Variants in MOCOS observed in about 807,000 individuals in gnomAD.
MOCOS encodes the protein molybdenum cofactor sulfurase, also known as human molybdenum cofactor sulfurase.
A neutral mutation model predicts 83.6 loss-of-function variants in MOCOS; 86 were observed. That is an observed-to-expected ratio of 1.03 (90% CI 0.86 to 1.23). MOCOS has a LOEUF of 1.23. Ranked by LOEUF, MOCOS falls within the 50% of genes most tolerant of loss-of-function variation. MOCOS has a pLI of 0.00. For missense variants in MOCOS, 1,120 were observed against 1,126.9 expected, an observed-to-expected ratio of 0.99 and a Z score of 0.09; for synonymous variants, 445 against 434.7, an observed-to-expected ratio of 1.02 and a Z score of -0.29.
At chr18:36,257,379 C>G (rs1395414206) in intron 12 of MOCOS, among the ~76,000 whole-genome samples, 2 of 152,164 alleles carry the variant, frequency 1.3e-5, no homozygotes, top group Non-Finnish European at 2.9e-5. Flanking sequence ...AATTGAATTG[C>G]CACCAACTTG....
intron 9 of MOCOS, among the ~76,000 whole-genome samples, chr18:36,227,873 A>G (rs1455918895): frequency 6.6e-5 from 10 of 152,252 alleles, no homozygotes. Context: ...TGCACAGCAA[A>G]AGGAATGATC....
At position 36,268,559 on chromosome 18, in the gene MOCOS, T is replaced by A; in HGVS notation, c.2541T>A (p.His847Gln). ...TKVNFGMYLM[H>Q]ASLDLSSPCF... ...TGAACTTTGGCATGTACCTGATGCATGCATCATTGGATTTATCCTCCCCAT... is the reference window on the plus strand; with the variant it reads ...TGAACTTTGGCATGTACCTGATGCAAGCATCATTGGATTTATCCTCCCCAT... The change falls in exon 15 of 15, where the codon CAT becomes CAA. Residue 847 changes from histidine (H) to glutamine (Q), a missense_variant. Transcript: ENST00000261326. 1 of 1,614,208 alleles carries A rather than the reference T, an allele frequency of 6.2e-7. No homozygotes were observed. Among genetic ancestry groups the A allele is most frequent in the Non-Finnish European group, 8.5e-7 (1 of 1,180,038 alleles).
rs756351100 is a variant in MOCOS, at chr18:36,199,890, C to T, written c.507C>T (p.Ser169=). Residue 169 remains serine, a synonymous_variant, in exon 4 of 15, where the codon TCC becomes TCT. Transcript: ENST00000261326. ...TGACCATGGCTATAAATGTCATATC[C>T]ACCCCGGTCAGGCCAGAGGACCTGT... The part of the protein sequence containing the change: ...RNVTMAINVI[S]TPVRPEDLWS... The T allele has an allele frequency of 6.2e-7, 1 of 1,613,990 alleles. No homozygotes were observed. Among genetic ancestry groups the T allele is most frequent in the South Asian group, 1.1e-5 (1 of 91,054 alleles).
At chr18:36,248,395 G>C (rs893092380) in intron 9 of MOCOS, among the ~76,000 whole-genome samples, 1 of 152,024 alleles carries the variant, frequency 6.6e-6, no homozygotes, top group Non-Finnish European at 1.5e-5. Context: ...TCTGTTGGTT[G>C]TCTCTTCATT....
chr18:36,210,126 T>A (rs2091448949), intron 6 of MOCOS, among the ~76,000 whole-genome samples: 1 of 152,242 alleles, frequency 6.6e-6, no homozygotes, highest in Non-Finnish European at 1.5e-5. Context: ...TCTGCCATGT[T>A]GTGGTATTAA....
intron 13 of MOCOS, among the ~76,000 whole-genome samples, chr18:36,263,677 T>C (rs931404817): frequency 2.0e-5 from 3 of 152,198 alleles, no homozygotes; most frequent in African/African-American, 7.2e-5. Context: ...CTGCAGCCCA[T>C]GAGCAGCACC....
At position 36,199,932 on chromosome 18, in the gene MOCOS, TA is replaced by T; in HGVS notation, c.550del (p.Ser184ValfsTer33). ...PEDLWSAEER[S>X]ASASNPDCQL... ...AGGACCTGTGGTCTGCAGAGGAACG[TA>T]GTGCTTCAGCCAGCAACCCAGACTG... On this transcript the variant is annotated frameshift_variant, in exon 4 of 15. Transcript: ENST00000261326. LOFTEE classifies it high-confidence loss of function. 1 of 1,614,194 alleles carries T rather than the reference TA, an allele frequency of 6.2e-7. No individual in the cohort carries two copies. The highest frequency in any genetic ancestry group is 8.5e-7 in the Non-Finnish European group (1 of 1,180,030).
chr18:36,257,909 T>C (rs924843642), intron 12 of MOCOS, among the ~76,000 whole-genome samples: 4 of 152,206 alleles, frequency 2.6e-5, no homozygotes, highest in African/African-American at 9.6e-5. Flanking sequence ...CTAAGCCACC[T>C]CGTCCGCCTC....
In MOCOS at chr18:36,240,999, C is replaced by A. The variant is rs368631942; in HGVS notation, c.1961-7923C>A. On this transcript the variant is annotated intron_variant, in intron 9 of 14. Transcript: ENST00000261326. ...GCCTCGCCCTGCTTCGGCTCGCGCA[C>A]GGTGCGTGCACCCACTGACCTGCAC... Among the ~76,000 whole-genome samples the A allele has an allele frequency of 1.9e-4, 29 of 152,320 alleles. 1 individual carries two copies. In the East Asian group the frequency reaches 3.9e-3, roughly 20 times the overall value.
chr18:36,243,768 T>A (rs1483041925), intron 9 of MOCOS, among the ~76,000 whole-genome samples: 1 of 152,130 alleles, frequency 6.6e-6, no homozygotes. Context: ...TGTTGGCAGC[T>A]TTTTTATTAC....
At chr18:36,234,117 C>G (rs1172538507) in intron 9 of MOCOS, among the ~76,000 whole-genome samples, 1 of 152,200 alleles carries the variant, frequency 6.6e-6, no homozygotes, top group Non-Finnish European at 1.5e-5. Context: ...ACCGCAATAT[C>G]TAGAAGGGTT....
intron 11 of MOCOS, among the ~76,000 whole-genome samples, chr18:36,254,564 A>C (rs1402919501): frequency 6.7e-6 from 1 of 148,316 alleles, no homozygotes; most frequent in African/African-American, 2.5e-5. Context: ...AGTCAGTTTT[A>C]TTTCTTTCCT....
At chr18:36,201,326 T>C (rs976123316) in intron 4 of MOCOS, among the ~76,000 whole-genome samples, 3 of 152,200 alleles carry the variant, frequency 2.0e-5, no homozygotes, top group African/African-American at 7.2e-5. Flanking sequence ...CGAGGGGACA[T>C]GTGACTTGTT....
Position 36,247,596 on chromosome 18 carries a change from A to G in MOCOS, c.1961-1326A>G, listed in dbSNP as rs542421147. 3.9e-5 allele frequency among the ~76,000 whole-genome samples: 6 copies of G among 152,178 alleles called. No homozygotes were observed. In the South Asian group the frequency reaches 1.2e-3, roughly 32 times the overall value. ...CAGGGCTCTTCCTGCTGCTGCTTCT[A>G]CTTTTATATTTTGCTTGGCTGCCTA... On this transcript the variant is annotated intron_variant, in intron 9 of 14. Coordinates refer to ENST00000261326, the MANE Select transcript of MOCOS (RefSeq NM_017947.4).
intron 13 of MOCOS, among the ~76,000 whole-genome samples, chr18:36,264,773 TA>T (rs970120899): frequency 0.016 from 2,388 of 146,800 alleles, 28 homozygotes; most frequent in Non-Finnish European, 0.026. Context: ...AGCGTCAACC[TA>T]AAAAAAAAAA....
intron 7 of MOCOS, among the ~76,000 whole-genome samples, chr18:36,214,511 A>C (rs1323875014): frequency 6.6e-6 from 1 of 151,820 alleles, no homozygotes; most frequent in Non-Finnish European, 1.5e-5. Flanking sequence ...CAGAATCCCC[A>C]CCCTCCCTGT....
intron 13 of MOCOS, among the ~76,000 whole-genome samples, chr18:36,260,797 G>T (rs2091661298): frequency 6.6e-6 from 1 of 151,722 alleles, no homozygotes; most frequent in Admixed American, 6.6e-5. Context: ...ATCCCATGCT[G>T]CCACTGTCTC....
At chr18:36,187,768 C>A in intron 1 of MOCOS, 87 bp downstream of exon 1, 8 of 1,222,880 alleles carry the variant, frequency 6.5e-6, no homozygotes, top group Non-Finnish European at 8.2e-6. Context: ...GCGGCGCTAC[C>A]TCATTCGGGC....
chr18:36,260,998 C>G (rs950391832), intron 13 of MOCOS, among the ~76,000 whole-genome samples: 1 of 151,964 alleles, frequency 6.6e-6, no homozygotes. Context: ...CTGCTTATTC[C>G]TGCAGTGTGT....
Sources: gnomAD v4.1 joint callset for allele counts (sites outside exome capture counted in the v4.1 genomes callset) on GRCh38, gnomAD v4.1.1 for gene constraint, MANE v1.5 for transcripts, NCBI Gene and HGNC (gene_info 2026-07-23, HGNC 2026-07-21) for gene names.